Variants in CAST observed in about 807,000 individuals in gnomAD.
CAST encodes the protein MIR583 host.
In CAST, 76 loss-of-function variants were observed where a neutral mutation model predicts 119.6. That is an observed-to-expected ratio of 0.64 (90% CI 0.53 to 0.77). The LOEUF is 0.77. CAST is among the 30% of genes least tolerant of loss of function. The pLI, the probability that CAST is intolerant of heterozygous loss-of-function variation, is 0.00. For synonymous variants in CAST, 319 were observed against 331.6 expected (o/e 0.96, Z 0.41); for missense variants, 953 against 946.5 (o/e 1.01, Z -0.09).
chr5:96,736,522 CTT>C (rs1319806109), intron 10 of CAST, among the ~76,000 whole-genome samples: 3 of 152,030 alleles, frequency 2.0e-5, no homozygotes, highest in Non-Finnish European at 4.4e-5. Context: ...TGCAAATACA[CTT>C]TATTTAACCA....
chr5:96,127,124 C>T, the CAST span, among the ~76,000 whole-genome samples: 2 of 152,056 alleles, frequency 1.3e-5, no homozygotes, highest in Non-Finnish European at 2.9e-5. Flanking sequence ...AGTCAAGTTA[C>T]AGATCAAGGT....
chr5:96,385,692 C>G, the CAST span, among the ~76,000 whole-genome samples: 1 of 152,144 alleles, frequency 6.6e-6, no homozygotes, highest in Non-Finnish European at 1.5e-5. Flanking sequence ...TCCTATGGTT[C>G]AGGAAGGCAT....
the CAST span, among the ~76,000 whole-genome samples, chr5:96,196,588 G>A: frequency 6.6e-6 from 1 of 152,188 alleles, no homozygotes. Context: ...CTTGAGCACT[G>A]TGAGCAGCTG....
intron 1 of CAST, among the ~76,000 whole-genome samples, chr5:96,670,365 AAAT>A (rs1045437386): frequency 2.0e-5 from 3 of 152,174 alleles, no homozygotes; most frequent in African/African-American, 7.2e-5. Context: ...ATACTTTAAA[AAAT>A]AATAATAATA....
At chr5:96,543,916 A>G (rs1156567030) in intron 1 of CAST, among the ~76,000 whole-genome samples, 1 of 152,132 alleles carries the variant, frequency 6.6e-6, no homozygotes, top group South Asian at 2.1e-4. Flanking sequence ...CTATTTATCT[A>G]TCTGTCTATT....
At chr5:96,399,879 A>G in the CAST span, 14 of 1,185,412 alleles carry the variant, frequency 1.2e-5, no homozygotes, top group Non-Finnish European at 1.7e-5. Context: ...CAAAAAAATC[A>G]GGCAGAATGG....
chr5:96,359,484 C>G, the CAST span, among the ~76,000 whole-genome samples: 1 of 152,138 alleles, frequency 6.6e-6, no homozygotes, highest in African/African-American at 2.4e-5. Context: ...TTTTTCCTTT[C>G]CATATTTAGT....
At chr5:96,612,398 G>C (rs1233382323) in intron 1 of CAST, among the ~76,000 whole-genome samples, 1 of 152,114 alleles carries the variant, frequency 6.6e-6, no homozygotes, top group East Asian at 1.9e-4. Context: ...GTGGGCATAA[G>C]ATGGGAACAA....
chr5:96,345,951 T>C, the CAST span, among the ~76,000 whole-genome samples: 1 of 152,150 alleles, frequency 6.6e-6, no homozygotes, highest in Non-Finnish European at 1.5e-5. Context: ...ATTCTATTTA[T>C]TGGAAGCAAA....
intron 2 of CAST, among the ~76,000 whole-genome samples, chr5:96,681,690 G>A (rs1403208562): frequency 7.5e-6 from 1 of 132,642 alleles, no homozygotes; most frequent in Non-Finnish European, 1.5e-5. Flanking sequence ...CCGAGATCCC[G>A]CCACTGCACT....
At chr5:96,338,342 A>T in the CAST span, among the ~76,000 whole-genome samples, 1 of 152,024 alleles carries the variant, frequency 6.6e-6, no homozygotes, top group Non-Finnish European at 1.5e-5. Context: ...ATGCTGTTTT[A>T]CTTCTGCTTT....
intron 3 of CAST, among the ~76,000 whole-genome samples, chr5:96,721,119 C>G (rs1378755947): frequency 6.6e-6 from 1 of 152,100 alleles, no homozygotes; most frequent in Non-Finnish European, 1.5e-5. Flanking sequence ...GTACATCTTA[C>G]AGTTTTCAGT....
chr5:96,686,232 C>G (rs1345615281), intron 2 of CAST, among the ~76,000 whole-genome samples: 1 of 151,976 alleles, frequency 6.6e-6, no homozygotes, highest in African/African-American at 2.4e-5. Context: ...CAATCTTCAT[C>G]ATAAACTGTT....
At chr5:96,667,888 G>A (rs1043346898) in intron 1 of CAST, among the ~76,000 whole-genome samples, 8 of 152,146 alleles carry the variant, frequency 5.3e-5, no homozygotes, top group East Asian at 1.9e-4. Context: ...GGTGGCAGGC[G>A]CCTGTAATTC....
the CAST span, among the ~76,000 whole-genome samples, chr5:96,182,360 T>A: frequency 6.6e-6 from 1 of 152,354 alleles, no homozygotes; most frequent in African/African-American, 2.4e-5. Flanking sequence ...GAGTAAGGCA[T>A]GAGTTTCCCC....
chr5:96,579,256 T>G (rs1417352133), intron 1 of CAST, among the ~76,000 whole-genome samples: 3 of 152,198 alleles, frequency 2.0e-5, no homozygotes, highest in African/African-American at 7.2e-5. Context: ...GCCCCAGTGC[T>G]GCCCTGGTGT....
At chr5:96,016,889 T>G in the CAST span, among the ~76,000 whole-genome samples, 1 of 142,658 alleles carries the variant, frequency 7.0e-6, no homozygotes. Context: ...CAGGCTAGAG[T>G]GCAGTGGCAC....
At chr5:96,142,355 A>T in the CAST span, among the ~76,000 whole-genome samples, 1 of 152,240 alleles carries the variant, frequency 6.6e-6, no homozygotes, top group Non-Finnish European at 1.5e-5. Flanking sequence ...CAGAGGTTGC[A>T]GTGAGCTGAG....
rs74767494 is a variant in CAST, at chr5:96,757,703, T to C, written c.1833+49T>C. The C allele has an allele frequency of 3.0e-3, 3,724 of 1,261,584 alleles. 23 individuals carry two copies. The Admixed American group carries it at 0.037, about 13-fold the overall frequency. The allele number at this position is 1,261,584 out of a possible 1,614,324, so 78.1% of individuals were successfully genotyped here. A position where few individuals can be genotyped will look rare whatever the true frequency, so the allele number is the denominator to read the frequency against. ...ATTTCTTTAGTTTTTTTTTTTTTTT[T>C]CCTTTGAGATGGAGTCTTGCTCTGT... is the stretch of plus-strand genomic sequence containing the variant. On this transcript the variant is annotated intron_variant, in intron 24 of 31. Coordinates refer to ENST00000675179, the MANE Select transcript of CAST (RefSeq NM_001750.7).
Sources: allele counts gnomAD v4.1 joint callset (sites outside exome capture counted in the v4.1 genomes callset), GRCh38; gene constraint gnomAD v4.1.1; transcripts MANE v1.5; gene names NCBI Gene and HGNC (gene_info 2026-07-23, HGNC 2026-07-21).